SOX6: variants seen among roughly 807,000 people sequenced by gnomAD.
The protein encoded by SOX6 is transcription factor SOX-6.
A neutral mutation model predicts 97.8 loss-of-function variants in SOX6; 11 were observed. That is an observed-to-expected ratio of 0.11 (90% CI 0.07 to 0.19). The LOEUF is 0.19. Ranked by LOEUF, SOX6 falls within the 10% of genes least tolerant of loss-of-function variation. The pLI, the probability that SOX6 is intolerant of heterozygous loss-of-function variation, is 1.00. For synonymous variants in SOX6, 360 were observed against 371.4 expected (o/e 0.97, Z 0.35); for missense variants, 810 against 1,039.5 (o/e 0.78, Z 3.04).
chr11:16,382,995 T>C (rs937528621), intron 1 of SOX6, among the ~76,000 whole-genome samples: 3 of 151,992 alleles, frequency 2.0e-5, no homozygotes, highest in African/African-American at 4.8e-5. Context: ...ACATTGAGAT[T>C]AAATCCTGTT....
At chr11:16,270,867 A>G (rs896938393) in intron 3 of SOX6, among the ~76,000 whole-genome samples, 50 of 151,516 alleles carry the variant, frequency 3.3e-4, no homozygotes, top group African/African-American at 1.2e-3. Flanking sequence ...GAGTTTCAGG[A>G]CTGGGGAATG....
chr11:16,325,231 G>A (rs1049178988), intron 2 of SOX6, among the ~76,000 whole-genome samples: 1 of 151,750 alleles, frequency 6.6e-6, no homozygotes, highest in Non-Finnish European at 1.5e-5. Flanking sequence ...TTATTCACAA[G>A]GAAAGATGTA....
chr11:16,700,347 G>T (rs1476342910), intron 3 of SOX6, among the ~76,000 whole-genome samples: 2 of 152,196 alleles, frequency 1.3e-5, no homozygotes, highest in Non-Finnish European at 2.9e-5. Context: ...TGGAGAGAAG[G>T]AAAAGGAGCT....
At chr11:16,061,026 T>A (rs1847936730) in intron 9 of SOX6, among the ~76,000 whole-genome samples, 1 of 151,802 alleles carries the variant, frequency 6.6e-6, no homozygotes, top group African/African-American at 2.4e-5. Context: ...ACAGCATCTA[T>A]AAATGAGGCA....
chr11:16,031,224 G>A (rs193254695), intron 12 of SOX6, among the ~76,000 whole-genome samples: 2 of 152,100 alleles, frequency 1.3e-5, no homozygotes, highest in African/African-American at 4.8e-5. Context: ...AGCTTCATTT[G>A]TCAAACTTTA....
intron 1 of SOX6, among the ~76,000 whole-genome samples, chr11:16,345,641 GC>G (rs1372939114): frequency 1.3e-5 from 2 of 151,948 alleles, no homozygotes; most frequent in Non-Finnish European, 2.9e-5. Context: ...AAATTAGTTG[GC>G]CCAAGACTTT....
At chr11:16,291,879 T>C (rs1329636449) in intron 3 of SOX6, among the ~76,000 whole-genome samples, 6 of 152,048 alleles carry the variant, frequency 3.9e-5, no homozygotes, top group African/African-American at 1.4e-4. Flanking sequence ...GGATTAACAA[T>C]GGAGGGTATG....
chr11:16,061,268 C>A (rs1364389590), intron 9 of SOX6, among the ~76,000 whole-genome samples: 1 of 143,298 alleles, frequency 7.0e-6, no homozygotes, highest in African/African-American at 2.6e-5. Flanking sequence ...TAGCTGAAAA[C>A]CAAAGAAAGA....
intron 6 of SOX6, among the ~76,000 whole-genome samples, chr11:16,120,413 C>T (rs1052959491): frequency 6.6e-6 from 1 of 151,734 alleles, no homozygotes; most frequent in Non-Finnish European, 1.5e-5. Context: ...TAGCACTCTT[C>T]AAAATTCTCA....
At chr11:16,019,432 G>C (rs2133868354) in intron 12 of SOX6, among the ~76,000 whole-genome samples, 1 of 151,910 alleles carries the variant, frequency 6.6e-6, no homozygotes, top group South Asian at 2.1e-4. Context: ...ACAACTAAGG[G>C]GCCATTATCT....
intron 1 of SOX6, chr11:16,402,785 A>G (rs753202487): frequency 1.3e-6 from 2 of 1,595,440 alleles, no homozygotes; most frequent in Non-Finnish European, 1.7e-6. Flanking sequence ...TACTATTGTT[A>G]CATGAGACAA....
chr11:16,279,613 C>A (rs1323037352), intron 3 of SOX6, among the ~76,000 whole-genome samples: 1 of 151,370 alleles, frequency 6.6e-6, no homozygotes, highest in East Asian at 1.9e-4. Context: ...GCCTTGGGAA[C>A]ATCAGAGAAT....
intron 6 of SOX6, among the ~76,000 whole-genome samples, chr11:16,181,209 T>TA: frequency 6.6e-6 from 1 of 151,810 alleles, no homozygotes; most frequent in African/African-American, 2.4e-5. Flanking sequence ...GCTGACCATG[T>TA]AAGCTAATAG....
At chr11:15,978,841 C>A in intron 15 of SOX6, among the ~76,000 whole-genome samples, 1 of 128,842 alleles carries the variant, frequency 7.8e-6, no homozygotes. Flanking sequence ...AACATATCAG[C>A]ATTATATATA....
intron 4 of SOX6, among the ~76,000 whole-genome samples, chr11:16,206,343 T>A (rs1346588781): frequency 6.6e-6 from 1 of 152,178 alleles, no homozygotes; most frequent in Non-Finnish European, 1.5e-5. Context: ...AAGGTGAACT[T>A]ACATCATTCT....
intron 7 of SOX6, among the ~76,000 whole-genome samples, chr11:16,107,424 T>C (rs1849122448): frequency 6.8e-6 from 1 of 147,766 alleles, no homozygotes; most frequent in African/African-American, 2.5e-5. Flanking sequence ...TATACATATA[T>C]ATACATATAT....
intron 1 of SOX6, among the ~76,000 whole-genome samples, chr11:16,381,863 A>G (rs1857832141): frequency 6.6e-6 from 1 of 151,886 alleles, no homozygotes. Flanking sequence ...TTAAAAATAA[A>G]TGTTTAGACA....
intron 3 of SOX6, among the ~76,000 whole-genome samples, chr11:16,703,569 G>A (rs1390184062): frequency 6.6e-6 from 1 of 152,096 alleles, no homozygotes. Context: ...GAAATAGAAA[G>A]TAAAGGGGGA....
intron 4 of SOX6, among the ~76,000 whole-genome samples, chr11:16,500,779 A>G (rs943368005): frequency 6.6e-6 from 1 of 152,202 alleles, no homozygotes; most frequent in Admixed American, 6.5e-5. Flanking sequence ...ATCAAGGAGA[A>G]CCACAATCCA....
Sources: allele counts gnomAD v4.1 joint callset (sites outside exome capture counted in the v4.1 genomes callset), GRCh38; gene constraint gnomAD v4.1.1; transcripts MANE v1.5; gene names NCBI Gene and HGNC (gene_info 2026-07-23, HGNC 2026-07-21).